The following UGT1A7 variants were observed in gnomAD, a reference collection of about 807,000 sequenced individuals.
UGT1A7 encodes UDP glucuronosyltransferase family 1 member A7, also known as UDP-glucuronosyltransferase 1A7.
In UGT1A7, 33 loss-of-function variants were observed where a neutral mutation model predicts 45.6. The observed-to-expected ratio is 0.72, with a 90% CI of 0.55 to 0.97. The LOEUF is 0.97. Among genes scored for constraint, UGT1A7 ranks in the 50% least tolerant of loss-of-function variants. UGT1A7 has a pLI of 0.00. For missense variants in UGT1A7, 684 were observed against 666.2 expected, an observed-to-expected ratio of 1.03 and a Z score of -0.29; for synonymous variants, 274 against 250.6, an observed-to-expected ratio of 1.09 and a Z score of -0.88.
chr2:233,757,240 G>A (rs1051117267), intron 1 of UGT1A7, among the ~76,000 whole-genome samples: 5 of 149,398 alleles, frequency 3.3e-5, no homozygotes, highest in African/African-American at 1.2e-4. Flanking sequence ...AAGTGGTGGT[G>A]AGGTGGGGTT....
intron 1 of UGT1A7, among the ~76,000 whole-genome samples, chr2:233,731,871 C>T (rs542174312): frequency 1.3e-5 from 2 of 152,330 alleles, no homozygotes; most frequent in South Asian, 4.1e-4. Flanking sequence ...CTGTCTTCCA[C>T]AATGGTTGAA....
At chr2:233,714,333 C>G (rs2076379859) in intron 1 of UGT1A7, among the ~76,000 whole-genome samples, 2 of 152,268 alleles carry the variant, frequency 1.3e-5, no homozygotes. Flanking sequence ...GAGACCTAAG[C>G]ACTCAGAGGA....
At chr2:233,729,509 G>C in intron 1 of UGT1A7, 1 of 1,614,214 alleles carries the variant, frequency 6.2e-7, no homozygotes, top group South Asian at 1.1e-5. Context: ...CATAGGTCTT[G>C]TGTGGAGCTA....
At chr2:233,768,719 A>G (rs553176637) in intron 4 of UGT1A7, among the ~76,000 whole-genome samples, 366 of 149,864 alleles carry the variant, frequency 2.4e-3, no homozygotes, top group African/African-American at 8.5e-3. Flanking sequence ...TGTAGCTGGG[A>G]TTACAGGTGT....
At position 233,685,362 on chromosome 2, in the gene UGT1A7, AATC is replaced by A. The variant is rs2074736293; in HGVS notation, c.855+2572_855+2574del. On this transcript the variant is annotated intron_variant, in intron 1 of 4. Transcript: ENST00000373426. ...AGTGGTTTTAATGAGAAAAAAAGAA[AATC>A]ACTTCCACTTTTCTTGACTTGTTGG... Among the ~76,000 whole-genome samples the A allele has an allele frequency of 2.0e-5, 3 of 152,248 alleles. No homozygotes were observed. In the South Asian group the frequency reaches 6.2e-4, roughly 32 times the overall value.
intron 1 of UGT1A7, chr2:233,755,338 G>T (rs569505432): frequency 4.6e-6 from 2 of 431,822 alleles, no homozygotes; most frequent in South Asian, 2.1e-5. Flanking sequence ...CCCGCGCACA[G>T]GTCAGAGGCT....
At chr2:233,738,068 C>G (rs1312345006) in intron 1 of UGT1A7, among the ~76,000 whole-genome samples, 1 of 152,082 alleles carries the variant, frequency 6.6e-6, no homozygotes, top group Non-Finnish European at 1.5e-5. Context: ...GGGAGGTCCC[C>G]ACCTCCTAAT....
intron 1 of UGT1A7, among the ~76,000 whole-genome samples, chr2:233,751,506 C>A (rs1237689489): frequency 1.3e-5 from 2 of 152,104 alleles, no homozygotes; most frequent in Non-Finnish European, 2.9e-5. Context: ...TTGGGAGGGG[C>A]CAGAGGGCAG....
Position 233,683,988 on chromosome 2 carries a change from C to T in UGT1A7, c.855+1196C>T, listed in dbSNP as rs28898568. Reference sequence around the variant, plus strand: ...TTTGGTCACTTGCAATTGAAAAAGTCGTGACAAATACAAGAGTAAGATTCT... The same window carrying T: ...TTTGGTCACTTGCAATTGAAAAAGTTGTGACAAATACAAGAGTAAGATTCT... On this transcript the variant is annotated intron_variant, in intron 1 of 4. Coordinates refer to ENST00000373426, the MANE Select transcript of UGT1A7 (RefSeq NM_019077.3). 7.1e-3 allele frequency among the ~76,000 whole-genome samples: 1,081 copies of T among 152,236 alleles called. 36 individuals are homozygous for T. In the East Asian group the frequency reaches 0.13, roughly 18 times the overall value.
In UGT1A7 at chr2:233,754,546, T is replaced by C. The variant is rs548396817; in HGVS notation, c.856-12488T>C. The C allele has an allele frequency of 8.9e-5, 34 of 380,532 alleles. No homozygotes were observed. In the Middle Eastern group the frequency reaches 1.9e-3, roughly 21 times the overall value. 23.6% of individuals were successfully genotyped at this position (380,532 alleles called of 1,614,324 possible). A position where few individuals can be genotyped will look rare whatever the true frequency, so the allele number is the denominator to read the frequency against. On this transcript the variant is annotated intron_variant, in intron 1 of 4. Transcript: ENST00000373426. ...AAAGGCAAATGTGGACTGGAATTAC[T>C]TGGTGTCAATGGGGAGCAACTGCTC...
Position 233,748,064 on chromosome 2 carries a change from G to T in UGT1A7, c.856-18970G>T, listed in dbSNP as rs867030809. On this transcript the variant is annotated intron_variant, in intron 1 of 4. Transcript: ENST00000373426. ...TTGGGGGCATCAACTGTGCCAACAG[G>T]AAGCCACTATCTCAGGTCGGTGTTC... 3.5e-5 allele frequency: 57 copies of T among 1,612,772 alleles called. 2 individuals carry two copies. In the African/African-American group the frequency reaches 5.8e-4, roughly 16 times the overall value.
intron 1 of UGT1A7, among the ~76,000 whole-genome samples, chr2:233,765,362 C>T (rs923355848): frequency 3.3e-5 from 5 of 152,128 alleles, no homozygotes; most frequent in African/African-American, 7.2e-5. Context: ...AACCCAGATG[C>T]CCATCAATGG....
intron 1 of UGT1A7, chr2:233,755,911 G>A (rs1696063109): frequency 6.6e-6 from 1 of 151,336 alleles, no homozygotes; most frequent in African/African-American, 2.4e-5. Context: ...AATGTAGTGA[G>A]AAGAGTGGCA....
chr2:233,762,199 A>G (rs532806601), intron 1 of UGT1A7, among the ~76,000 whole-genome samples: 7 of 152,296 alleles, frequency 4.6e-5, no homozygotes, highest in Admixed American at 6.5e-5. Context: ...ATGGGTCTGC[A>G]TGTATTTGGC....
chr2:233,725,184 GCAGA>G (rs1559370234), intron 1 of UGT1A7, among the ~76,000 whole-genome samples: 5 of 89,376 alleles, frequency 5.6e-5, no homozygotes, highest in African/African-American at 1.7e-4. Flanking sequence ...GTGGGGAGAG[GCAGA>G]GGCAGAGGCA....
chr2:233,768,039 G>A, intron 3 of UGT1A7, 103 bp downstream of exon 3: 1 of 1,610,920 alleles, frequency 6.2e-7, no homozygotes, highest in Non-Finnish European at 8.5e-7. Context: ...AAATATTATG[G>A]CCAACATATC....
At chr2:233,713,649 C>T in intron 1 of UGT1A7, 6 of 1,613,990 alleles carry the variant, frequency 3.7e-6, no homozygotes, top group Non-Finnish European at 5.1e-6. Flanking sequence ...CCCTCTGGCC[C>T]TGTCCTACCT....
At chr2:233,704,490 AT>A (rs1395033136) in intron 1 of UGT1A7, among the ~76,000 whole-genome samples, 8 of 152,084 alleles carry the variant, frequency 5.3e-5, no homozygotes, top group African/African-American at 1.9e-4. Context: ...TTATGATATT[AT>A]TGTTATACGT....
chr2:233,760,873 C>G, intron 1 of UGT1A7: 1 of 1,614,194 alleles, frequency 6.2e-7, no homozygotes, highest in South Asian at 1.1e-5. Context: ...CGTGCCCAGG[C>G]CTCTCTCCTC....
Sources: gnomAD v4.1 joint callset for allele counts (sites outside exome capture counted in the v4.1 genomes callset) on GRCh38, gnomAD v4.1.1 for gene constraint, MANE v1.5 for transcripts, NCBI Gene and HGNC (gene_info 2026-07-23, HGNC 2026-07-21) for gene names.